STK10: variants seen among roughly 807,000 people sequenced by gnomAD.
STK10 encodes serine/threonine kinase 10, also known as serine/threonine-protein kinase 10.
STK10 carries 78 observed loss-of-function variants against 113.8 expected under a neutral mutation model. The observed-to-expected ratio is 0.69, with a 90% CI of 0.57 to 0.83. The LOEUF is 0.83. Among genes scored for constraint, STK10 ranks in the 40% least tolerant of loss-of-function variants. STK10 has a pLI of 0.00. For missense variants in STK10, 1,109 were observed against 1,280.1 expected (o/e 0.87, Z 2.04); for synonymous variants, 465 against 494.7 (o/e 0.94, Z 0.80).
intron 14 of STK10, among the ~76,000 whole-genome samples, chr5:172,060,422 A>G (rs1767907131): frequency 6.6e-6 from 1 of 152,104 alleles, no homozygotes; most frequent in South Asian, 2.1e-4. Flanking sequence ...ATAAATAAAT[A>G]AACAAAAATC....
At chr5:172,078,466 CAAGT>C (rs1768358530) in intron 12 of STK10, among the ~76,000 whole-genome samples, 1 of 151,772 alleles carries the variant, frequency 6.6e-6, no homozygotes, top group Non-Finnish European at 1.5e-5. Context: ...CCAGCCTGGG[CAAGT>C]AAGTGAGACC....
intron 12 of STK10, among the ~76,000 whole-genome samples, chr5:172,080,276 C>T (rs1415428781): frequency 6.6e-6 from 1 of 152,146 alleles, no homozygotes; most frequent in East Asian, 1.9e-4. Context: ...CTCCTCAGGC[C>T]TCCCTATTCT....
Position 172,076,365 on chromosome 5 carries a change from CT to C in STK10, c.1989+5960del, listed in dbSNP as rs1466052961. Among the ~76,000 whole-genome samples the C allele has an allele frequency of 7.2e-4, 40 of 55,848 alleles. 9 individuals are homozygous for C. Among genetic ancestry groups the C allele is most frequent in the African/African-American group, 4.7e-3 (36 of 7,710 alleles). The allele number at this position is 55,848 out of a possible 152,430, so 36.6% of individuals were successfully genotyped here. The stretch of plus-strand genomic sequence containing the variant: ...CTGTCCTGTGCGTTAGTTGTGGGGG[CT>C]GTCCTGTGCATTTGTTGTGGGGGCG... On this transcript the variant is annotated intron_variant, in intron 12 of 18. Coordinates refer to ENST00000176763, the MANE Select transcript of STK10 (RefSeq NM_005990.4).
At chr5:172,045,133 G>C (rs1458504385) in intron 18 of STK10, 111 bp from the exon 19 acceptor site, 11 of 1,482,568 alleles carry the variant, frequency 7.4e-6, no homozygotes, top group Non-Finnish European at 6.4e-6. Context: ...TTCCCTTCCA[G>C]GCCTCAGTGC....
In STK10 at chr5:172,090,314, C is replaced by A. The variant is rs1276835691; in HGVS notation, c.1603G>T (p.Val535Leu). The change falls in exon 10 of 19, where the codon GTG (valine) becomes TTG (leucine). Residue 535 changes from valine (V) to leucine (L), a missense_variant. This residue lies in a region of STK10 where 885 missense variants were observed against 991.1 expected (regional missense o/e 0.89). Coordinates refer to ENST00000176763, the MANE Select transcript of STK10 (RefSeq NM_005990.4). ...GTGATGCTCACCTCCACACCATCCA[C>A]CACAAATTTGCGTGTCCGCTTGAGG... ...KTLKRTRKFV[V>L]DGVEVSITTS... The A allele has an allele frequency of 1.2e-6, 2 of 1,613,984 alleles. No homozygotes were observed. The highest frequency in any genetic ancestry group is 1.7e-6 in the Non-Finnish European group (2 of 1,180,018).
chr5:172,117,338 G>A, intron 4 of STK10, 143 bp downstream of exon 4: 1 of 818,000 alleles, frequency 1.2e-6, no homozygotes. Context: ...AGGAAGGGGA[G>A]AACTGCTGAC....
At chr5:172,101,778 A>G (rs1260235790) in intron 7 of STK10, among the ~76,000 whole-genome samples, 2 of 152,214 alleles carry the variant, frequency 1.3e-5, no homozygotes, top group African/African-American at 2.4e-5. Context: ...ACATTAGAGC[A>G]ATGACTTGAA....
At chr5:172,150,760 A>G (rs1770207329) in intron 2 of STK10, among the ~76,000 whole-genome samples, 1 of 152,190 alleles carries the variant, frequency 6.6e-6, no homozygotes, top group Non-Finnish European at 1.5e-5. Flanking sequence ...CATCCCATCC[A>G]TGCCCTGCTC....
At chr5:172,047,678 TTACAGTAAGCAGAACTGATG>T (rs1401508375) in intron 18 of STK10, among the ~76,000 whole-genome samples, 1 of 152,010 alleles carries the variant, frequency 6.6e-6, no homozygotes, top group Admixed American at 6.6e-5. Flanking sequence ...CAGACCACAG[TTACAGTAAGCAGAACTGATG>T]TACGATGGCA....
chr5:172,083,063 A>G lies in STK10; in HGVS notation c.1707T>C (p.Leu569=). ...RFLRRQELRE[L]RLLQKEEHRN... ...GATGCTCTTCTTTCTGGAGCAGCCGAAGCTCTCGGAGTTCCTGGCGCCTGA... is the reference window on the plus strand; with the variant it reads ...GATGCTCTTCTTTCTGGAGCAGCCGGAGCTCTCGGAGTTCCTGGCGCCTGA... Residue 569 remains leucine, a synonymous_variant, in exon 11 of 19, where the codon CTT becomes CTC. Coordinates refer to ENST00000176763, the MANE Select transcript of STK10 (RefSeq NM_005990.4). The G allele has an allele frequency of 1.9e-6, 3 of 1,614,154 alleles. No individual in the cohort carries two copies. Among genetic ancestry groups the G allele is most frequent in the Non-Finnish European group, 2.5e-6 (3 of 1,180,032 alleles).
At chr5:172,047,899 G>GTTTT (rs11438537) in intron 18 of STK10, among the ~76,000 whole-genome samples, 50 of 109,798 alleles carry the variant, frequency 4.6e-4, no homozygotes, top group African/African-American at 1.1e-3. Flanking sequence ...TGTTTTTTGG[G>GTTTT]TTTTTTTTTT....
chr5:172,149,368 C>G (rs922189466), intron 2 of STK10, among the ~76,000 whole-genome samples: 2 of 152,234 alleles, frequency 1.3e-5, no homozygotes, highest in South Asian at 2.1e-4. Context: ...CCTCCTCCCC[C>G]ACTTTCCCTC....
chr5:172,157,066 A>G (rs1770363099), intron 1 of STK10, among the ~76,000 whole-genome samples: 1 of 152,182 alleles, frequency 6.6e-6, no homozygotes, highest in Admixed American at 6.5e-5. Context: ...TCAGTAAAAA[A>G]CGAAGAAAAA....
intron 2 of STK10, among the ~76,000 whole-genome samples, chr5:172,144,398 A>G (rs1308916503): frequency 1.3e-5 from 2 of 152,178 alleles, no homozygotes; most frequent in African/African-American, 4.8e-5. Flanking sequence ...TCTCCAATAC[A>G]GCACAGAAGA....
In STK10 at chr5:172,057,043, A is replaced by AAGAAAG. The variant is rs1554115589; in HGVS notation, c.2337+300_2337+305dup. On this transcript the variant is annotated intron_variant, in intron 15 of 18. Transcript: ENST00000176763. Reference sequence around the variant, plus strand: ...AAAGAAAGAAAGAAAGAAAGAAAGAAAGAAAGAAAAGAAGAAAGGGAAAAA... The same window carrying AAGAAAG: ...AAAGAAAGAAAGAAAGAAAGAAAGAAAGAAAGAGAAAGAAAAGAAGAAAGGGAAAAA... 162 of 204,704 alleles carry AAGAAAG rather than the reference A, an allele frequency of 7.9e-4. 1 individual carries two copies. The highest frequency in any genetic ancestry group is 3.6e-3 in the African/African-American group (154 of 42,466). The allele number at this position is 204,704 out of a possible 1,614,324, so 12.7% of individuals were successfully genotyped here. A position where few individuals can be genotyped will look rare whatever the true frequency, so the allele number is the denominator to read the frequency against.
In STK10 at chr5:172,055,744, G is replaced by A; in HGVS notation, c.2370C>T (p.Arg790=). 1 of 1,554,584 alleles carries A rather than the reference G, an allele frequency of 6.4e-7. No individual in the cohort carries two copies. Among genetic ancestry groups the A allele is most frequent in the East Asian group, 2.4e-5 (1 of 41,976 alleles). The stretch of plus-strand genomic sequence containing the variant: ...GCCGCACCTTCAGCTGCTCTATCAT[G>A]CGCTGGTTGTAGCGCTGCATCTGCT... ...EREQMQRYNQ[R]MIEQLKVRQQ... is the part of the protein sequence containing the mutation. Residue 790 remains arginine, a synonymous_variant, in exon 16 of 19, where the codon CGC becomes CGT. Transcript: ENST00000176763.
chr5:172,048,888 G>A (rs901957523), intron 18 of STK10, among the ~76,000 whole-genome samples: 4 of 149,830 alleles, frequency 2.7e-5, no homozygotes, highest in Non-Finnish European at 4.4e-5. Context: ...CACTCTCTCC[G>A]GCCGCAGGGG....
chr5:172,146,660 T>C (rs1284994055), intron 2 of STK10, among the ~76,000 whole-genome samples: 1 of 152,184 alleles, frequency 6.6e-6, no homozygotes, highest in Non-Finnish European at 1.5e-5. Context: ...TGCGAGGGAA[T>C]AGGGCCCGTG....
At chr5:172,182,208 C>T (rs553386030) in intron 1 of STK10, among the ~76,000 whole-genome samples, 23 of 144,620 alleles carry the variant, frequency 1.6e-4, no homozygotes, top group African/African-American at 5.9e-4. Flanking sequence ...GAGGCTGAGG[C>T]AAGAGAATTG....
Sources: allele counts gnomAD v4.1 joint callset (sites outside exome capture counted in the v4.1 genomes callset), GRCh38; gene constraint gnomAD v4.1.1; regional missense constraint gnomAD v4.1.1; transcripts MANE v1.5; gene names NCBI Gene and HGNC (gene_info 2026-07-23, HGNC 2026-07-21).